Variants in AKAP9 observed in about 807,000 individuals in gnomAD.
AKAP9 encodes A-kinase anchoring protein 9, also known as A-kinase anchor protein 9.
Under a neutral mutation model 488.5 loss-of-function variants are expected in AKAP9, and 311 were observed. The ratio of observed to expected loss-of-function variants is 0.64; its 90% CI spans 0.58 to 0.70. The LOEUF (loss-of-function observed/expected upper bound fraction) is 0.70, where lower values mean the gene tolerates loss of function less well. Ranked by LOEUF, AKAP9 falls within the 30% of genes least tolerant of loss-of-function variation. AKAP9 has a pLI of 0.00. For synonymous variants in AKAP9, 1,462 were observed against 1,483.5 expected (o/e 0.99, Z 0.33); for missense variants, 4,215 against 4,374.5 (o/e 0.96, Z 1.03).
Position 92,079,631 on chromosome 7 carries a change from A to C in AKAP9, c.7498A>C (p.Arg2500=). 1 of 1,613,964 alleles carries C rather than the reference A, an allele frequency of 6.2e-7. No homozygotes were observed. The change falls in exon 31 of 50, where the codon AGG becomes CGG. Residue 2500 remains arginine (R), a synonymous_variant. Transcript: ENST00000356239. ...GKGSIINLET[R]LLQLESTVSA... ...AGGTTCCATAATTAATTTGGAAACA[A>C]GGTTGCTACAACTTGAGAGCACTGT...
At chr7:91,971,390 GGAGATCACTA>G (rs1795053803) in intron 1 of AKAP9, among the ~76,000 whole-genome samples, 1 of 151,814 alleles carries the variant, frequency 6.6e-6, no homozygotes, top group Non-Finnish European at 1.5e-5. Flanking sequence ...TCTGTGTAAT[GGAGATCACTA>G]ATTTCCTTTA....
At position 92,042,491 on chromosome 7, in the gene AKAP9, T is replaced by G. The variant is rs538573261; in HGVS notation, c.5059-177T>G. 6.6e-5 allele frequency among the ~76,000 whole-genome samples: 10 copies of G among 152,316 alleles called. No individual in the cohort carries two copies. In the East Asian group the frequency reaches 1.9e-3, roughly 29 times the overall value. On this transcript the variant is annotated intron_variant, in intron 19 of 49. Coordinates refer to ENST00000356239, the MANE Select transcript of AKAP9 (RefSeq NM_005751.5). Reference sequence around the variant, plus strand: ...TTTATTTGTGTACGAGAATGTTTTATCCTCTTTTGATAACACTAATCTCGA... The same window carrying G: ...TTTATTTGTGTACGAGAATGTTTTAGCCTCTTTTGATAACACTAATCTCGA...
chr7:92,058,754 T>C (rs1461203856), intron 22 of AKAP9, among the ~76,000 whole-genome samples: 1 of 152,048 alleles, frequency 6.6e-6, no homozygotes, highest in Non-Finnish European at 1.5e-5. Flanking sequence ...ATGATACTTA[T>C]AAGACAGCTA....
At position 92,003,255 on chromosome 7, in the gene AKAP9, T is replaced by C. The variant is rs747117293; in HGVS notation, c.3318+20T>C. On this transcript the variant is annotated intron_variant, in intron 8 of 49. Coordinates refer to ENST00000356239, the MANE Select transcript of AKAP9 (RefSeq NM_005751.5). ...GAACAGGTATGTTTACTTCTTCATA[T>C]ATGGTAAAGCACAATGAAAAAAATG... 5.9e-6 allele frequency: 9 copies of C among 1,527,114 alleles called. No homozygotes were observed. The highest frequency in any genetic ancestry group is 8.1e-6 in the Non-Finnish European group (9 of 1,104,468). The allele number at this position is 1,527,114 out of a possible 1,614,324, so 94.6% of individuals were successfully genotyped here.
chr7:92,009,341 A>G (rs1252186849), intron 8 of AKAP9, among the ~76,000 whole-genome samples: 1 of 152,206 alleles, frequency 6.6e-6, no homozygotes, highest in Non-Finnish European at 1.5e-5. Context: ...CTATAAATAA[A>G]CATCCATCAA....
intron 1 of AKAP9, among the ~76,000 whole-genome samples, chr7:91,954,888 T>C (rs1293341192): frequency 6.6e-6 from 1 of 152,226 alleles, no homozygotes; most frequent in Non-Finnish European, 1.5e-5. Context: ...ACTAAAGGAA[T>C]AGGGATGATT....
intron 28 of AKAP9, among the ~76,000 whole-genome samples, chr7:92,075,264 G>A (rs889529739): frequency 6.6e-5 from 10 of 152,182 alleles, no homozygotes; most frequent in Non-Finnish European, 8.8e-5. Flanking sequence ...AATTTCGTAT[G>A]AGATAGGGCA....
chr7:91,972,781 T>A (rs1415383172), intron 1 of AKAP9, among the ~76,000 whole-genome samples: 1 of 152,158 alleles, frequency 6.6e-6, no homozygotes, highest in Non-Finnish European at 1.5e-5. Flanking sequence ...GAAAACTACA[T>A]TGGTTAAAAC....
chr7:92,014,157 C>G, intron 9 of AKAP9, 92 bp from the exon 10 acceptor site: 6 of 825,316 alleles, frequency 7.3e-6, no homozygotes. Flanking sequence ...ATTCTTATTG[C>G]AGGGGAGCTT....
intron 1 of AKAP9, among the ~76,000 whole-genome samples, chr7:91,947,467 C>T (rs1052288739): frequency 3.3e-4 from 50 of 152,018 alleles, no homozygotes; most frequent in African/African-American, 1.0e-3. Context: ...CTCAGCCTCC[C>T]GAGTAGCTGG....
chr7:92,052,266 A>G (rs886227556), intron 21 of AKAP9, among the ~76,000 whole-genome samples: 1 of 134,124 alleles, frequency 7.5e-6, no homozygotes, highest in African/African-American at 3.1e-5. Context: ...CCAAGCACTT[A>G]TTTCTATCCC....
chr7:92,062,605 T>TA (rs1810072845), intron 24 of AKAP9, 119 bp downstream of exon 24: 1 of 799,538 alleles, frequency 1.3e-6, no homozygotes, highest in Non-Finnish European at 2.0e-6. Flanking sequence ...TAGAGAGATT[T>TA]AAAAAATTAT....
At chr7:92,023,145 A>G (rs1802573481) in intron 14 of AKAP9, 136 bp downstream of exon 14, 9 of 845,302 alleles carry the variant, frequency 1.1e-5, no homozygotes, top group Non-Finnish European at 1.6e-5. Context: ...TTTTTTAGAA[A>G]GAAGAGCAAG....
intron 3 of AKAP9, 46 bp downstream of exon 3, chr7:91,980,379 ATAT>A (rs750247784): frequency 1.1e-6 from 1 of 927,840 alleles, no homozygotes; most frequent in Non-Finnish European, 1.6e-6. Context: ...ATGTATATTT[ATAT>A]TATTATTGAA....
intron 49 of AKAP9, 169 bp downstream of exon 49, chr7:92,108,802 G>A (rs568723488): frequency 8.7e-6 from 7 of 808,062 alleles, no homozygotes; most frequent in South Asian, 7.6e-5. Flanking sequence ...CAGAGAAACT[G>A]ACTTTAAATA....
Position 92,066,595 on chromosome 7 carries a change from G to A in AKAP9, c.6330+49G>A, listed in dbSNP as rs199779024. Reference sequence around the variant, plus strand: ...CAACTTACAGTAATTTGTATCAAGTGTAAAATAAGATGCATATCATTAAAA... The same window carrying A: ...CAACTTACAGTAATTTGTATCAAGTATAAAATAAGATGCATATCATTAAAA... On this transcript the variant is annotated intron_variant, in intron 26 of 49. Coordinates refer to ENST00000356239, the MANE Select transcript of AKAP9 (RefSeq NM_005751.5). 2.5e-6 allele frequency: 4 copies of A among 1,604,810 alleles called. No individual in the cohort carries two copies. In the African/African-American group the frequency reaches 4.0e-5, roughly 16 times the overall value.
chr7:91,950,422 G>T (rs1792074134), intron 1 of AKAP9, among the ~76,000 whole-genome samples: 1 of 151,958 alleles, frequency 6.6e-6, no homozygotes, highest in South Asian at 2.1e-4. Flanking sequence ...AGTAGAGACG[G>T]GGTTTCACTG....
chr7:92,053,031 A>C, intron 22 of AKAP9, 73 bp downstream of exon 22: 1 of 1,277,546 alleles, frequency 7.8e-7, no homozygotes, highest in Non-Finnish European at 1.1e-6. Context: ...CGACTGAGCT[A>C]ATTTTGATAT....
chr7:92,070,271 C>A, intron 27 of AKAP9, 65 bp downstream of exon 27: 1 of 1,498,898 alleles, frequency 6.7e-7, no homozygotes, highest in Non-Finnish European at 9.3e-7. Flanking sequence ...AAATTGTCAA[C>A]TTCTTGTAGG....
Sources: allele counts gnomAD v4.1 joint callset (sites outside exome capture counted in the v4.1 genomes callset), GRCh38; gene constraint gnomAD v4.1.1; transcripts MANE v1.5; gene names NCBI Gene and HGNC (gene_info 2026-07-23, HGNC 2026-07-21).